The following PHKA2 variants were observed in gnomAD, a reference collection of about 807,000 sequenced individuals.
PHKA2 encodes phosphorylase b kinase regulatory subunit alpha, liver isoform.
PHKA2 carries 31 observed loss-of-function variants against 102.0 expected under a neutral mutation model. That is an observed-to-expected ratio of 0.30 (90% CI 0.23 to 0.41). The LOEUF is 0.41. Among genes scored for constraint, PHKA2 ranks in the 10% least tolerant of loss-of-function variants. The probability of loss-of-function intolerance (pLI) is 1.00; values close to 1 mark genes in which losing one functional copy is unlikely to be tolerated. For missense variants in PHKA2, 858 were observed against 1,023.1 expected, an observed-to-expected ratio of 0.84 and a Z score of 2.20; for synonymous variants, 455 against 416.2, an observed-to-expected ratio of 1.09 and a Z score of -1.13.
intron 1 of PHKA2, among the ~76,000 whole-genome samples, chrX:18,961,981 A>G (rs1007456762): frequency 2.7e-5 from 3 of 111,418 alleles, no homozygotes; most frequent in South Asian, 3.7e-4. Context: ...GTCAGGGTGC[A>G]GTGGTGGAAG....
intron 4 of PHKA2, 27 bp downstream of exon 4, chrX:18,951,077 C>T: frequency 5.0e-6 from 6 of 1,206,616 alleles, no homozygotes; most frequent in Non-Finnish European, 6.7e-6. Flanking sequence ...ACTCCTTATA[C>T]AATGGGCTCC....
chrX:18,924,102 G>A lies in PHKA2; in HGVS notation c.1747C>T (p.Leu583Phe). The A allele has an allele frequency of 8.3e-7, 1 of 1,205,656 alleles. No individual in the cohort carries two copies. Among genetic ancestry groups the A allele is most frequent in the South Asian group, 1.8e-5 (1 of 56,875 alleles). The change falls in exon 17 of 33, where the codon CTC becomes TTC. Residue 583 changes from leucine (L) to phenylalanine (F), a missense_variant. Leu to Phe is a conservative substitution (Grantham distance 22). Transcript: ENST00000379942. ...TCCTCTAGTTTTCTAATTGTGGAGA[G>A]CACAGCAGAATGAATGTCTGAGCCA... The part of the protein sequence containing the change: ...NDGSDIHSAV[L>F]STIRKLEDGY...
intron 28 of PHKA2, among the ~76,000 whole-genome samples, 164 bp downstream of exon 28, chrX:18,900,506 C>T (rs1488279804): frequency 9.0e-6 from 1 of 111,428 alleles, no homozygotes; most frequent in African/African-American, 3.3e-5. Context: ...GGGGCAAGGT[C>T]GTCTCTCCTG....
chrX:18,895,242 ACATGCATGCACACACAGG>A (rs755146632), intron 30 of PHKA2, 51 bp from the exon 31 acceptor site: 97 of 1,071,754 alleles, frequency 9.1e-5, no homozygotes, highest in Middle Eastern at 2.5e-4. Context: ...TGGGATAAGC[ACATGCATGCACACACAGG>A]CGTGCATGCA....
chrX:18,893,628 C>T lies in PHKA2; in HGVS notation c.3565G>A (p.Glu1189Lys), dbSNP rs745392510. The T allele has an allele frequency of 6.3e-5, 76 of 1,210,198 alleles. 1 individual carries two copies. The South Asian group carries it at 1.3e-3, about 21-fold the overall frequency. Residue 1189 changes from glutamate (E) to lysine (K), a missense_variant, in exon 33 of 33, where the codon GAG (glutamate) becomes AAG (lysine). Physicochemically the swap from Glu to Lys is moderately conservative, Grantham distance 56. This residue lies in a region of PHKA2 where 671 missense variants were observed against 745.2 expected (regional missense o/e 0.90). Coordinates refer to ENST00000379942, the MANE Select transcript of PHKA2 (RefSeq NM_000292.3). ...QVSIGAMDTL[E>K]KDQATGICHF... ...CAGATTCCTGTGGCTTGGTCTTTCT[C>T]CAGGGTGTCCATGGCACCAATTGAC...
chrX:18,951,110 C>T lies in PHKA2; in HGVS notation c.448G>A (p.Ala150Thr), dbSNP rs750886848. ...LFLLFLAQMTASGLRIIFTLD... is the reference protein window; with the variant it reads ...LFLLFLAQMTTSGLRIIFTLD... ...TCCAGCAACCCCAGCTCACCTGAGG[C>T]GGTCATCTGGGCCAGGAACAGGAGG... Residue 150 changes from alanine (A) to threonine (T), a missense_variant, in exon 4 of 33, where the codon GCC (alanine) becomes ACC (threonine). Transcript: ENST00000379942. The T allele has an allele frequency of 5.0e-6, 6 of 1,209,721 alleles. No homozygotes were observed. The highest frequency in any genetic ancestry group is 6.7e-6 in the Non-Finnish European group (6 of 894,592).
chrX:18,957,350 G>A (rs747732111), intron 1 of PHKA2, among the ~76,000 whole-genome samples: 1 of 111,923 alleles, frequency 8.9e-6, no homozygotes, highest in Non-Finnish European at 1.9e-5. Flanking sequence ...TGGAGCTCTG[G>A]AGTCTTTACT....
At chrX:18,940,247 G>A (rs1289489951) in intron 8 of PHKA2, among the ~76,000 whole-genome samples, 199 bp from the exon 9 acceptor site, 1 of 111,948 alleles carries the variant, frequency 8.9e-6, no homozygotes, top group Non-Finnish European at 1.9e-5. Flanking sequence ...GGAAGGGAAC[G>A]CCAAAACATT....
chrX:18,975,871 T>C (rs2049081599), intron 1 of PHKA2, among the ~76,000 whole-genome samples: 1 of 110,161 alleles, frequency 9.1e-6, no homozygotes, highest in African/African-American at 3.3e-5. Flanking sequence ...GCCAATGGAG[T>C]GACTCTTTTC....
chrX:18,895,911 G>C (rs1241431631), intron 30 of PHKA2: 1 of 112,547 alleles, frequency 8.9e-6, no homozygotes, highest in East Asian at 2.8e-4. Flanking sequence ...GCGGGAAGTG[G>C]AGCAAGCACC....
Position 18,918,791 on chromosome X carries a change from T to C in PHKA2, c.2027A>G (p.Tyr676Cys). 2.5e-6 allele frequency: 3 copies of C among 1,210,055 alleles called. No individual in the cohort carries two copies. Among genetic ancestry groups the C allele is most frequent in the Non-Finnish European group, 3.4e-6 (3 of 893,910 alleles). ...HLLQSTSLRS[Y>C]LPPLCKNTED... ...TGTGTTCTTACAAAGAGGAGGCAGA[T>C]AGGACCTCAACGATGTGCTTTGCAG... Residue 676 changes from tyrosine to cysteine, a missense_variant, in exon 19 of 33, where the codon TAT (tyrosine) becomes TGT (cysteine). By Grantham distance (194) the Tyr-to-Cys change is radical. Around this residue, in one of 2 missense-constraint regions of PHKA2, gnomAD observed 671 missense variants for 745.2 expected, o/e 0.90. Coordinates refer to ENST00000379942, the MANE Select transcript of PHKA2 (RefSeq NM_000292.3).
chrX:18,944,526 G>A (rs1448038609), intron 6 of PHKA2, among the ~76,000 whole-genome samples: 1 of 111,727 alleles, frequency 9.0e-6, no homozygotes, highest in Non-Finnish European at 1.9e-5. Context: ...GCAAACTGGT[G>A]ACCCACAGAT....
intron 19 of PHKA2, among the ~76,000 whole-genome samples, chrX:18,912,749 T>C (rs1423991242): frequency 1.8e-5 from 2 of 110,416 alleles, no homozygotes; most frequent in Non-Finnish European, 3.8e-5. Context: ...CCATCTCTAC[T>C]AAAAATACAA....
rs190481699 is a variant in PHKA2, at chrX:18,928,532, G to C, written c.1324+696C>G. 4.4e-5 allele frequency among the ~76,000 whole-genome samples: 5 copies of C among 112,665 alleles called. No homozygotes were observed. The East Asian group carries it at 1.4e-3, about 32-fold the overall frequency. The stretch of plus-strand genomic sequence containing the variant: ...GTACACACAACATGCTATGACACTA[G>C]CTGGTGTGCTCTATGGGGCACAGAG... On this transcript the variant is annotated intron_variant, in intron 13 of 32. Coordinates refer to ENST00000379942, the MANE Select transcript of PHKA2 (RefSeq NM_000292.3).
intron 11 of PHKA2, among the ~76,000 whole-genome samples, chrX:18,933,494 C>A (rs2048346861): frequency 8.9e-6 from 1 of 112,974 alleles, no homozygotes; most frequent in Non-Finnish European, 1.9e-5. Context: ...TGGTCTCCAG[C>A]TGTCCACAGA....
rs750208212 is a variant in PHKA2, at chrX:18,946,881, A to AG, written c.538-1724dup. Among the ~76,000 whole-genome samples the AG allele has an allele frequency of 2.5e-3, 144 of 57,758 alleles. 1 individual carries two copies. Among genetic ancestry groups the AG allele is most frequent in the African/African-American group, 8.6e-3 (135 of 15,703 alleles). The allele number at this position is 57,758 out of a possible 115,157, so 50.2% of individuals were successfully genotyped here. ...TAATCTGAGTCATTGGGGTGGGGGG[A>AG]GGGGGGCCTGTGCATTGTAGGATGT... On this transcript the variant is annotated intron_variant, in intron 5 of 32. Transcript: ENST00000379942.
At chrX:18,899,354 G>A in intron 28 of PHKA2, 128 bp from the exon 29 acceptor site, 1 of 587,356 alleles carries the variant, frequency 1.7e-6, no homozygotes, top group Non-Finnish European at 2.9e-6. Flanking sequence ...GCGCAGAGAA[G>A]GTGCCACAGC....
intron 27 of PHKA2, among the ~76,000 whole-genome samples, chrX:18,901,131 G>A (rs1284590245): frequency 2.8e-5 from 3 of 108,982 alleles, no homozygotes; most frequent in African/African-American, 6.7e-5. Context: ...TTGCTATTTC[G>A]TTTGAAGGAC....
chrX:18,978,813 T>G (rs1312589128), intron 1 of PHKA2, among the ~76,000 whole-genome samples: 2 of 111,783 alleles, frequency 1.8e-5, no homozygotes, highest in Non-Finnish European at 3.8e-5. Context: ...AATACCTTCA[T>G]CCTCCTTCTT....
Sources: gnomAD v4.1 joint callset for allele counts (sites outside exome capture counted in the v4.1 genomes callset) on GRCh38, gnomAD v4.1.1 for gene constraint, gnomAD v4.1.1 regional missense constraint, MANE v1.5 for transcripts, NCBI Gene and HGNC (gene_info 2026-07-23, HGNC 2026-07-21) for gene names.